Variants in MCF2L observed in about 807,000 individuals in gnomAD.
MCF2L encodes the protein guanine nucleotide exchange factor DBS.
MCF2L carries 97 observed loss-of-function variants against 153.4 expected under a neutral mutation model. The observed-to-expected ratio is 0.63, with a 90% CI of 0.54 to 0.75. The LOEUF (loss-of-function observed/expected upper bound fraction) is 0.75. Among genes scored for constraint, MCF2L ranks in the 30% least tolerant of loss-of-function variants. The probability of loss-of-function intolerance (pLI) is 0.00; values close to 1 mark genes in which losing one functional copy is unlikely to be tolerated. For synonymous variants in MCF2L, 659 were observed against 632.2 expected (o/e 1.04, Z -0.64); for missense variants, 1,347 against 1,495.2 (o/e 0.90, Z 1.64).
At chr13:112,923,554 G>T (rs973225993) in intron 2 of MCF2L, among the ~76,000 whole-genome samples, 1 of 152,068 alleles carries the variant, frequency 6.6e-6, no homozygotes, top group Non-Finnish European at 1.5e-5. Context: ...GTGAGCCACC[G>T]CACCTGGCCA....
At chr13:113,051,660 C>A (rs1269199593) in intron 4 of MCF2L, among the ~76,000 whole-genome samples, 1 of 152,234 alleles carries the variant, frequency 6.6e-6, no homozygotes, top group African/African-American at 2.4e-5. Context: ...TTGTCTTAGT[C>A]CGGGTCTGCT....
At chr13:113,073,782 G>T (rs947047767) in intron 9 of MCF2L, among the ~76,000 whole-genome samples, 1 of 152,074 alleles carries the variant, frequency 6.6e-6, no homozygotes, top group Non-Finnish European at 1.5e-5. Flanking sequence ...GGGCGTGATG[G>T]CTGGTGCCTG....
At chr13:112,909,232 C>T (rs990733434) in intron 2 of MCF2L, 3 of 779,646 alleles carry the variant, frequency 3.8e-6, no homozygotes, top group Non-Finnish European at 7.2e-6. Context: ...ATGTCTAATC[C>T]CTTGCTTGTG....
chr13:113,004,916 G>A (rs1026250434), intron 1 of MCF2L, among the ~76,000 whole-genome samples: 4 of 152,236 alleles, frequency 2.6e-5, no homozygotes, highest in African/African-American at 4.8e-5. Context: ...GTTGGTGCAG[G>A]TATCACGGAA....
intron 1 of MCF2L, among the ~76,000 whole-genome samples, chr13:112,996,336 G>T (rs983804027): frequency 3.9e-5 from 6 of 152,148 alleles, no homozygotes; most frequent in Non-Finnish European, 8.8e-5. Context: ...ATAAATAAAA[G>T]GCGTTGACTT....
chr13:113,072,481 G>A (rs2033020154), intron 9 of MCF2L, among the ~76,000 whole-genome samples: 1 of 152,180 alleles, frequency 6.6e-6, no homozygotes, highest in South Asian at 2.1e-4. Context: ...TTAGTTGTAG[G>A]ATTCTTGTAG....
chr13:113,060,507 G>A, intron 4 of MCF2L, 86 bp from the exon 5 acceptor site: 3 of 1,538,984 alleles, frequency 1.9e-6, no homozygotes, highest in Non-Finnish European at 2.6e-6. Context: ...CGCGCCCCCG[G>A]TCAGCCCAGC....
chr13:112,999,527 G>T (rs2083275207), intron 1 of MCF2L, among the ~76,000 whole-genome samples: 1 of 152,178 alleles, frequency 6.6e-6, no homozygotes, highest in South Asian at 2.1e-4. Context: ...CACTCCATCT[G>T]CATCAGCCGC....
chr13:113,080,734 C>T (rs1045718017), intron 15 of MCF2L, among the ~76,000 whole-genome samples: 8 of 152,320 alleles, frequency 5.3e-5, no homozygotes, highest in Admixed American at 6.5e-5. Context: ...GCCAGACCCC[C>T]GCCCTGGCCA....
intron 1 of MCF2L, among the ~76,000 whole-genome samples, chr13:112,896,243 CCTT>C (rs1462693775): frequency 1.3e-5 from 2 of 152,194 alleles, no homozygotes; most frequent in Admixed American, 1.3e-4. Context: ...TCACATCTGT[CCTT>C]CTCTGGAATT....
At chr13:112,994,664 T>C (rs1237491742) in intron 1 of MCF2L, among the ~76,000 whole-genome samples, 1 of 152,240 alleles carries the variant, frequency 6.6e-6, no homozygotes, top group East Asian at 1.9e-4. Context: ...GGCCGCGCGA[T>C]GTCCTTCATC....
At chr13:113,060,825 CA>C in intron 5 of MCF2L, 113 bp downstream of exon 5, 2 of 1,423,310 alleles carry the variant, frequency 1.4e-6, no homozygotes, top group South Asian at 1.3e-5. Flanking sequence ...ACACGGTCAA[CA>C]AAACCCCGCA....
In MCF2L at chr13:113,046,539, AT is replaced by A; in HGVS notation, c.369+1179del. On this transcript the variant is annotated intron_variant, in intron 4 of 29. Coordinates refer to ENST00000535094, the MANE Select transcript of MCF2L (RefSeq NM_001112732.3). The surrounding 1 kb of genome is among the most constrained non-coding windows in gnomAD (Gnocchi z 4.4). ...TGGCTGGTGCGCCAAGGTTTGAGGT[AT>A]ACTGAAAAAAGTCATTCCTTTCCCC... 1.9e-6 allele frequency: 1 copy of A among 533,134 alleles called. No individual in the cohort carries two copies. Among genetic ancestry groups the A allele is most frequent in the Non-Finnish European group, 3.8e-6 (1 of 259,856 alleles). 33.0% of individuals were successfully genotyped at this position (533,134 alleles called of 1,614,324 possible).
chr13:112,970,998 G>A (rs2082020782), intron 1 of MCF2L, among the ~76,000 whole-genome samples: 1 of 152,178 alleles, frequency 6.6e-6, no homozygotes, highest in Admixed American at 6.5e-5. Flanking sequence ...TGAGCACCCT[G>A]TAGCGTTTAG....
At chr13:113,084,836 G>A (rs903255129) in intron 18 of MCF2L, 56 bp from the exon 19 acceptor site, 40 of 1,357,740 alleles carry the variant, frequency 2.9e-5, no homozygotes, top group South Asian at 1.3e-4. Flanking sequence ...GTCCCTCACC[G>A]CGTGATGCGC....
intron 7 of MCF2L, among the ~76,000 whole-genome samples, chr13:113,065,804 C>T (rs1274765600): frequency 2.0e-5 from 3 of 152,226 alleles, no homozygotes; most frequent in Non-Finnish European, 2.9e-5. Context: ...CACCTTAACC[C>T]GTTGCCCTGA....
rs1338535235 is a variant in MCF2L at position 113,098,007 on chromosome 13, CAT to C, written c.*1151_*1152del. The C allele has an allele frequency of 9.2e-5, 14 of 152,388 alleles. No individual in the cohort carries two copies. The highest frequency in any genetic ancestry group is 2.4e-4 in the African/African-American group (10 of 41,590). 9.4% of individuals were successfully genotyped at this position (152,388 alleles called of 1,614,324 possible). A position where few individuals can be genotyped will look rare whatever the true frequency, so the allele number is the denominator to read the frequency against. ...TTACCAACTTCTTGTGTTTCAGAAACATATTCTGTTCAAAACTTTTGAAGCCC... is the reference window on the plus strand; with the variant it reads ...TTACCAACTTCTTGTGTTTCAGAAACATTCTGTTCAAAACTTTTGAAGCCC... On this transcript the variant is annotated 3_prime_UTR_variant, in exon 30 of 30. Transcript: ENST00000535094.
intron 2 of MCF2L, among the ~76,000 whole-genome samples, chr13:112,917,779 A>AT (rs906969504): frequency 1.1e-4 from 16 of 152,084 alleles, no homozygotes; most frequent in African/African-American, 3.1e-4. Flanking sequence ...ATTTCATGTG[A>AT]TTTTCCCTTC....
intron 1 of MCF2L, among the ~76,000 whole-genome samples, chr13:112,996,671 C>T (rs575504929): frequency 2.0e-5 from 3 of 152,330 alleles, no homozygotes; most frequent in South Asian, 2.1e-4. Flanking sequence ...TTCTTGGATG[C>T]GCCCGATGGT....
Sources: allele counts gnomAD v4.1 joint callset (sites outside exome capture counted in the v4.1 genomes callset), GRCh38; gene constraint gnomAD v4.1.1; non-coding constraint Gnocchi (gnomAD v3.1); transcripts MANE v1.5; gene names NCBI Gene and HGNC (gene_info 2026-07-23, HGNC 2026-07-21).